MGAT4C: variants seen among roughly 807,000 people sequenced by gnomAD.
The protein encoded by MGAT4C is MGAT4 family member C.
MGAT4C carries 19 observed loss-of-function variants against 40.1 expected under a neutral mutation model. The observed-to-expected ratio is 0.47, with a 90% CI of 0.33 to 0.70. The LOEUF (loss-of-function observed/expected upper bound fraction) is 0.70. Ranked by LOEUF, MGAT4C falls within the 30% of genes least tolerant of loss-of-function variation. The pLI is 0.02. For synonymous variants in MGAT4C, 181 were observed against 187.1 expected, an observed-to-expected ratio of 0.97 and a Z score of 0.27; for missense variants, 491 against 563.2, an observed-to-expected ratio of 0.87 and a Z score of 1.30.
chr12:86,417,094 A>C (rs1029786057), intron 3 of MGAT4C, among the ~76,000 whole-genome samples: 22 of 152,282 alleles, frequency 1.4e-4, no homozygotes, highest in African/African-American at 5.3e-4. Flanking sequence ...ATCCAATAAA[A>C]ATTATCACCA....
chr12:86,780,087 C>A (rs1951812335), intron 1 of MGAT4C, among the ~76,000 whole-genome samples: 1 of 151,830 alleles, frequency 6.6e-6, no homozygotes, highest in South Asian at 2.1e-4. Context: ...TTATATTCAA[C>A]CTCAAAACTT....
chr12:86,774,636 TCAC>T (rs1047510663), intron 1 of MGAT4C, among the ~76,000 whole-genome samples: 2 of 152,076 alleles, frequency 1.3e-5, no homozygotes, highest in Admixed American at 6.6e-5. Flanking sequence ...ATAAAATAAT[TCAC>T]CACATTTATC....
chr12:86,786,518 T>C (rs1951934116), intron 1 of MGAT4C, among the ~76,000 whole-genome samples: 1 of 152,084 alleles, frequency 6.6e-6, no homozygotes, highest in Non-Finnish European at 1.5e-5. Flanking sequence ...TCTCAGTTGG[T>C]CAGGGGTTTC....
At chr12:86,183,238 A>T (rs969821671) in intron 1 of MGAT4C, among the ~76,000 whole-genome samples, 1 of 152,118 alleles carries the variant, frequency 6.6e-6, no homozygotes, top group Non-Finnish European at 1.5e-5. Context: ...TGTTCTGGAA[A>T]GGATCTGTAT....
intron 1 of MGAT4C, among the ~76,000 whole-genome samples, chr12:86,152,241 T>C (rs1884378419): frequency 6.6e-6 from 1 of 152,216 alleles, no homozygotes; most frequent in South Asian, 2.1e-4. Context: ...GAATAGTTTA[T>C]AAAACCAGAA....
chr12:86,722,388 T>C (rs1044765464), intron 2 of MGAT4C, among the ~76,000 whole-genome samples: 3 of 152,156 alleles, frequency 2.0e-5, no homozygotes, highest in East Asian at 3.9e-4. Flanking sequence ...CAACAAAAGA[T>C]TGAAGATTTA....
At chr12:86,062,867 G>T (rs1217834771) in intron 1 of MGAT4C, among the ~76,000 whole-genome samples, 2 of 152,028 alleles carry the variant, frequency 1.3e-5, no homozygotes, top group Non-Finnish European at 2.9e-5. Context: ...AGAAATATGG[G>T]ACTAGGTGAA....
chr12:86,620,998 TA>T (rs1469199573), intron 2 of MGAT4C, among the ~76,000 whole-genome samples: 1 of 152,150 alleles, frequency 6.6e-6, no homozygotes, highest in Non-Finnish European at 1.5e-5. Flanking sequence ...AGCTTCTTTA[TA>T]AATTACCCAG....
chr12:86,594,727 G>A (rs1042427787), intron 2 of MGAT4C, among the ~76,000 whole-genome samples: 4 of 152,180 alleles, frequency 2.6e-5, no homozygotes, highest in African/African-American at 9.7e-5. Flanking sequence ...CAGGTTCAGA[G>A]AACTCCAGCT....
chr12:86,251,516 G>A (rs1952278772), intron 1 of MGAT4C, among the ~76,000 whole-genome samples: 1 of 151,944 alleles, frequency 6.6e-6, no homozygotes, highest in Non-Finnish European at 1.5e-5. Context: ...GCTCTGCTGA[G>A]AAAAAGTGTT....
intron 3 of MGAT4C, among the ~76,000 whole-genome samples, chr12:86,398,845 C>A (rs1373084938): frequency 1.3e-5 from 2 of 152,018 alleles, no homozygotes; most frequent in Non-Finnish European, 2.9e-5. Context: ...GGAGTCCTGC[C>A]CCATACCAGA....
chr12:86,804,084 C>T (rs895889191), intron 1 of MGAT4C, among the ~76,000 whole-genome samples: 1 of 148,852 alleles, frequency 6.7e-6, no homozygotes, highest in Non-Finnish European at 1.5e-5. Context: ...TACTATGCAG[C>T]CATAAAAAAT....
rs1442408851 is a variant in MGAT4C at position 86,774,304 on chromosome 12, TTTCTTTC to T, written c.-261-47070_-261-47064del. Among the ~76,000 whole-genome samples, 49 of 25,376 alleles carry T rather than the reference TTTCTTTC, an allele frequency of 1.9e-3. 2 individuals are homozygous for T. The highest frequency in any genetic ancestry group is 9.5e-3 in the South Asian group (4 of 422). 16.6% of individuals were successfully genotyped at this position (25,376 alleles called of 152,430 possible). Reference sequence around the variant, plus strand: ...TGCTCTTTCTTTCTTTCTTTCTTTCTTTCTTTCTTTCTTTCTTTCTTTCTTTCTTTCT... The same window carrying T: ...TGCTCTTTCTTTCTTTCTTTCTTTCTTTTCTTTCTTTCTTTCTTTCTTTCT... On this transcript the variant is annotated intron_variant, in intron 1 of 7. Coordinates refer to the MGAT4C transcript ENST00000548651.
At chr12:86,653,710 G>C (rs1441709011) in intron 2 of MGAT4C, among the ~76,000 whole-genome samples, 1 of 151,770 alleles carries the variant, frequency 6.6e-6, no homozygotes, top group Non-Finnish European at 1.5e-5. Context: ...TGGAGGTAGA[G>C]ACTTTGTCAA....
intron 1 of MGAT4C, among the ~76,000 whole-genome samples, chr12:86,134,537 T>C (rs554408878): frequency 7.5e-4 from 114 of 152,258 alleles, no homozygotes; most frequent in African/African-American, 2.6e-3. Flanking sequence ...TTGTGCCTGA[T>C]AGCAGCATAA....
At chr12:86,836,471 T>G (rs1953038608) in intron 1 of MGAT4C, among the ~76,000 whole-genome samples, 1 of 152,020 alleles carries the variant, frequency 6.6e-6, no homozygotes, top group Non-Finnish European at 1.5e-5. Context: ...GTAAATGTTA[T>G]TTAACGACAA....
chr12:86,816,368 G>A (rs1282198495), intron 1 of MGAT4C, among the ~76,000 whole-genome samples: 3 of 151,694 alleles, frequency 2.0e-5, no homozygotes, highest in African/African-American at 7.3e-5. Context: ...TTGACGGTAA[G>A]CTATCCCTTA....
intron 2 of MGAT4C, among the ~76,000 whole-genome samples, chr12:86,474,410 A>G (rs1957802133): frequency 1.3e-5 from 2 of 149,100 alleles, no homozygotes; most frequent in African/African-American, 2.5e-5. Flanking sequence ...TAGGAGATAT[A>G]ACTAATGCTA....
intron 2 of MGAT4C, among the ~76,000 whole-genome samples, chr12:86,618,282 T>A (rs1214322064): frequency 6.6e-6 from 1 of 152,094 alleles, no homozygotes; most frequent in Admixed American, 6.6e-5. Context: ...TCCCCAAAAA[T>A]TAAAAATTAA....
Sources: gnomAD v4.1 joint callset for allele counts (sites outside exome capture counted in the v4.1 genomes callset) on GRCh38, gnomAD v4.1.1 for gene constraint, MANE v1.5 for transcripts, NCBI Gene and HGNC (gene_info 2026-07-23, HGNC 2026-07-21) for gene names.